The following CBLN2 variants were observed in gnomAD, a reference collection of about 807,000 sequenced individuals.
CBLN2 encodes cerebellin 2 precursor.
A neutral mutation model predicts 15.0 loss-of-function variants in CBLN2; 7 were observed. The observed-to-expected ratio is 0.47, with a 90% CI of 0.27 to 0.88. CBLN2 has a LOEUF of 0.88. Among genes scored for constraint, CBLN2 ranks in the 40% least tolerant of loss-of-function variants. CBLN2 has a pLI of 0.14. For missense variants in CBLN2, 242 were observed against 304.5 expected, an observed-to-expected ratio of 0.79 and a Z score of 1.53; for synonymous variants, 149 against 135.2, an observed-to-expected ratio of 1.10 and a Z score of -0.71.
intron 1 of CBLN2, among the ~76,000 whole-genome samples, chr18:72,628,777 C>A (rs1426233109): frequency 6.6e-6 from 1 of 152,212 alleles, no homozygotes; most frequent in African/African-American, 2.4e-5. Context: ...TTCAAATATC[C>A]TCTTGGCATT....
chr18:72,596,154 T>A (rs1393681813), intron 1 of CBLN2, among the ~76,000 whole-genome samples: 1 of 152,098 alleles, frequency 6.6e-6, no homozygotes, highest in African/African-American at 2.4e-5. Flanking sequence ...AATTTTCTGT[T>A]GTGTTTTGTA....
intron 1 of CBLN2, among the ~76,000 whole-genome samples, chr18:72,566,105 A>C (rs2069293383): frequency 6.6e-6 from 1 of 152,194 alleles, no homozygotes; most frequent in African/African-American, 2.4e-5. Flanking sequence ...ACAAATCAAA[A>C]ATACACTGAG....
At chr18:72,607,189 A>G (rs2069588865) in intron 1 of CBLN2, among the ~76,000 whole-genome samples, 1 of 152,206 alleles carries the variant, frequency 6.6e-6, no homozygotes, top group South Asian at 2.1e-4. Context: ...CACAGCCCTC[A>G]GAAGGAACCA....
intron 1 of CBLN2, among the ~76,000 whole-genome samples, chr18:72,610,851 T>C (rs1398581446): frequency 6.6e-6 from 1 of 152,160 alleles, no homozygotes; most frequent in Non-Finnish European, 1.5e-5. Flanking sequence ...GTCACTTGGG[T>C]ACTGAGCATA....
At position 72,612,652 on chromosome 18, in the gene CBLN2, C is replaced by T. The variant is rs951610082; in HGVS notation, c.15+25673G>A. Among the ~76,000 whole-genome samples the T allele has an allele frequency of 7.2e-5, 11 of 152,196 alleles. No individual in the cohort carries two copies. In the East Asian group the frequency reaches 2.1e-3, roughly 29 times the overall value. ...GCACCTGCTCCAATTCTGTCAATTG[C>T]TTTAAGGTTTAGCTTAAATGTCTAT... On this transcript the variant is annotated intron_variant, in intron 1 of 2. Coordinates refer to the CBLN2 transcript ENST00000581073.
chr18:72,577,497 G>A (rs1306309985), intron 1 of CBLN2, among the ~76,000 whole-genome samples: 1 of 152,184 alleles, frequency 6.6e-6, no homozygotes, highest in Non-Finnish European at 1.5e-5. Context: ...CCACAGCAAA[G>A]CATCCCATTT....
At chr18:72,562,151 C>T (rs2069265558) in intron 1 of CBLN2, among the ~76,000 whole-genome samples, 1 of 152,072 alleles carries the variant, frequency 6.6e-6, no homozygotes, top group South Asian at 2.1e-4. Flanking sequence ...TTGAAGCCAG[C>T]TATGTATCAC....
intron 1 of CBLN2, among the ~76,000 whole-genome samples, chr18:72,557,880 T>A (rs1243234099): frequency 1.3e-5 from 2 of 152,188 alleles, no homozygotes; most frequent in East Asian, 3.8e-4. Context: ...GTAACAAACC[T>A]GCACATCCTG....
chr18:72,544,963 T>C (rs2069147721), upstream of CBLN2, among the ~76,000 whole-genome samples: 1 of 121,800 alleles, frequency 8.2e-6, no homozygotes, highest in African/African-American at 2.8e-5. Flanking sequence ...TATACGTCTT[T>C]TCTGATAGGC....
intron 1 of CBLN2, among the ~76,000 whole-genome samples, chr18:72,601,718 C>A (rs559489854): frequency 4.6e-5 from 7 of 152,116 alleles, no homozygotes; most frequent in Non-Finnish European, 8.8e-5. Context: ...AGCGTCCCCA[C>A]CCCATTTTGC....
chr18:72,572,555 A>C (rs888452419), intron 1 of CBLN2, among the ~76,000 whole-genome samples: 2 of 152,172 alleles, frequency 1.3e-5, no homozygotes, highest in Non-Finnish European at 1.5e-5. Context: ...GCAGTAATCA[A>C]CAAATTGATT....
intron 1 of CBLN2, among the ~76,000 whole-genome samples, chr18:72,633,497 G>A (rs1266870888): frequency 6.6e-6 from 1 of 152,152 alleles, no homozygotes; most frequent in Non-Finnish European, 1.5e-5. Context: ...GCTTATTACT[G>A]TATCTATAAT....
chr18:72,568,029 C>G (rs1438292994), intron 1 of CBLN2, among the ~76,000 whole-genome samples: 6 of 152,150 alleles, frequency 3.9e-5, no homozygotes, highest in Non-Finnish European at 5.9e-5. Context: ...CACCTCTTTT[C>G]TCACTCAGAA....
chr18:72,538,070 CGGAGGTTGGAAACAA>C lies in CBLN2; in HGVS notation c.*91_*105del. On this transcript the variant is annotated 3_prime_UTR_variant, in exon 5 of 5. Transcript: ENST00000269503. ...TCATTCTTCTACTGCAACAGTCTGA[CGGAGGTTGGAAACAA>C]GGTGTCCAATTCCAGTAAGTTCAGG... 6 of 1,103,334 alleles carry C rather than the reference CGGAGGTTGGAAACAA, an allele frequency of 5.4e-6. No individual in the cohort carries two copies. Among genetic ancestry groups the C allele is most frequent in the Non-Finnish European group, 8.1e-6 (6 of 736,490 alleles). 68.3% of individuals were successfully genotyped at this position (1,103,334 alleles called of 1,614,324 possible). A position where few individuals can be genotyped will look rare whatever the true frequency, so the allele number is the denominator to read the frequency against.
At chr18:72,608,319 C>T (rs1340396404) in intron 1 of CBLN2, among the ~76,000 whole-genome samples, 1 of 152,106 alleles carries the variant, frequency 6.6e-6, no homozygotes, top group East Asian at 1.9e-4. Context: ...GTCAGAAGTT[C>T]CTGTCTTTTC....
chr18:72,583,723 C>T (rs1216198205), intron 1 of CBLN2, among the ~76,000 whole-genome samples: 1 of 152,188 alleles, frequency 6.6e-6, no homozygotes, highest in East Asian at 1.9e-4. Context: ...ATTCTTACCA[C>T]TTATAGTAAT....
chr18:72,605,052 T>C (rs927129563), intron 1 of CBLN2, among the ~76,000 whole-genome samples: 5 of 152,226 alleles, frequency 3.3e-5, no homozygotes, highest in African/African-American at 1.2e-4. Context: ...CTCCATTTTG[T>C]ATCTAATTTG....
At chr18:72,538,958 A>T (rs1315721172) in intron 3 of CBLN2, 186 bp from the exon 4 acceptor site, 1 of 574,742 alleles carries the variant, frequency 1.7e-6, no homozygotes, top group African/African-American at 1.9e-5. Flanking sequence ...CTATAGCAGG[A>T]AGTAATCTCA....
At position 72,538,224 on chromosome 18, in the gene CBLN2, C is replaced by T. The variant is rs771463589; in HGVS notation, c.627G>A (p.Gly209=). The change falls in exon 5 of 5, where the codon GGG becomes GGA. Residue 209 remains glycine (G), a synonymous_variant. Coordinates refer to ENST00000269503, the MANE Select transcript of CBLN2 (RefSeq NM_182511.4). ...HLKLERGNLM[G]GWKYSTFSGF... ...CCGAGAATGTGGAGTATTTCCAGCC[C>T]CCCATGAGGTTGCCTCTCTCAAGTT... is the stretch of plus-strand genomic sequence containing the variant. 6.2e-7 allele frequency: 1 copy of T among 1,614,100 alleles called. No individual in the cohort carries two copies. The highest frequency in any genetic ancestry group is 1.3e-5 in the African/African-American group (1 of 75,006).
Sources: gnomAD v4.1 joint callset for allele counts (sites outside exome capture counted in the v4.1 genomes callset) on GRCh38, gnomAD v4.1.1 for gene constraint, MANE v1.5 for transcripts, NCBI Gene and HGNC (gene_info 2026-07-23, HGNC 2026-07-21) for gene names.